The following HIPK2 variants were observed in gnomAD, a reference collection of about 807,000 sequenced individuals.
The protein encoded by HIPK2 is homeodomain-interacting protein kinase 2.
In HIPK2, 27 loss-of-function variants were observed where a neutral mutation model predicts 113.7. The observed-to-expected ratio is 0.24, with a 90% CI of 0.17 to 0.33. HIPK2 has a LOEUF of 0.33. Ranked by LOEUF, HIPK2 falls within the 10% of genes least tolerant of loss-of-function variation. The probability of loss-of-function intolerance (pLI) is 1.00; values close to 1 mark genes in which losing one functional copy is unlikely to be tolerated. For missense variants in HIPK2, 1,257 were observed against 1,588.0 expected, an observed-to-expected ratio of 0.79 and a Z score of 3.54; for synonymous variants, 631 against 642.2, an observed-to-expected ratio of 0.98 and a Z score of 0.26.
intron 2 of HIPK2, among the ~76,000 whole-genome samples, chr7:139,642,101 G>A (rs1585315897): frequency 6.6e-6 from 1 of 152,152 alleles, no homozygotes. Context: ...AGGTGTACTC[G>A]AACTGCAGAG....
At position 139,575,149 on chromosome 7, in the gene HIPK2, C is replaced by T. The variant is rs56300656; in HGVS notation, c.3105G>A (p.Gln1035=). 2,976 of 1,594,626 alleles carry T rather than the reference C, an allele frequency of 1.9e-3. 13 individuals carry two copies. The highest frequency in any genetic ancestry group is 1.4e-3 in the Non-Finnish European group (1,649 of 1,171,316). ...QQRPGPHFQQ[Q]QPLNLSQAQQ... The stretch of plus-strand genomic sequence containing the variant: ...TTACCTGGCTGAGATTGAGTGGCTG[C>T]TGCTGCTGGAAGTGGGGGCCCGGCC... Residue 1035 remains glutamine, a synonymous_variant, in exon 14 of 15, where the codon CAG becomes CAA. Transcript: ENST00000406875.
In HIPK2 at chr7:139,581,759, C is replaced by T. The variant is rs560002880; in HGVS notation, c.2965+2058G>A. ...GGGTTCTACAGCTAAAGGTGTGTAT[C>T]GGTATTGAACGCCACTGGCTGGGGA... On this transcript the variant is annotated intron_variant, in intron 13 of 14. Coordinates refer to ENST00000406875, the MANE Select transcript of HIPK2 (RefSeq NM_022740.5). Among the ~76,000 whole-genome samples the T allele has an allele frequency of 2.0e-5, 3 of 152,242 alleles. No homozygotes were observed. In the East Asian group the frequency reaches 5.8e-4, roughly 29 times the overall value.
chr7:139,755,518 G>C (rs1796347978), intron 1 of HIPK2, among the ~76,000 whole-genome samples: 1 of 152,214 alleles, frequency 6.6e-6, no homozygotes, highest in Non-Finnish European at 1.5e-5. Context: ...TCTCTGAAGA[G>C]AAACAAGGTC....
At chr7:139,672,815 CAT>C (rs940154556) in intron 2 of HIPK2, among the ~76,000 whole-genome samples, 68 of 152,336 alleles carry the variant, frequency 4.5e-4, no homozygotes, top group African/African-American at 1.5e-3. Flanking sequence ...GAACCAGAAT[CAT>C]AGTTTATTTA....
chr7:139,712,709 T>C (rs151093482), intron 2 of HIPK2, among the ~76,000 whole-genome samples: 430 of 152,352 alleles, frequency 2.8e-3, no homozygotes, highest in Non-Finnish European at 4.9e-3. Context: ...TTGCCCCCTT[T>C]CTTTCCTATA....
intron 2 of HIPK2, among the ~76,000 whole-genome samples, chr7:139,633,095 CAAAA>C (rs942820284): frequency 0.025 from 1,844 of 74,564 alleles, 32 homozygotes; most frequent in African/African-American, 0.078. Flanking sequence ...GACCCTGTCT[CAAAA>C]AAAAAAAAAA....
intron 12 of HIPK2, among the ~76,000 whole-genome samples, chr7:139,592,126 G>A (rs1266700266): frequency 1.3e-5 from 2 of 152,158 alleles, no homozygotes; most frequent in Admixed American, 6.5e-5. Context: ...AAAACATTTC[G>A]GGTCAAATTT....
intron 2 of HIPK2, among the ~76,000 whole-genome samples, chr7:139,673,376 C>T (rs952905181): frequency 3.3e-5 from 5 of 152,196 alleles, no homozygotes; most frequent in African/African-American, 9.7e-5. Flanking sequence ...CTCTCTCTCT[C>T]TTACAGGAGA....
At chr7:139,733,774 CA>C (rs1321848413) in intron 1 of HIPK2, among the ~76,000 whole-genome samples, 3 of 152,174 alleles carry the variant, frequency 2.0e-5, no homozygotes, top group Non-Finnish European at 4.4e-5. Flanking sequence ...TAGTCTTGGC[CA>C]AATGATCCAC....
chr7:139,566,891 C>T lies in HIPK2; in HGVS notation c.*6036G>A, dbSNP rs895938309. 1 of 152,286 alleles carries T rather than the reference C, an allele frequency of 6.6e-6. No homozygotes were observed. The highest frequency in any genetic ancestry group is 1.5e-5 in the Non-Finnish European group (1 of 68,086). The allele number at this position is 152,286 out of a possible 1,614,324, so 9.4% of individuals were successfully genotyped here. Reference sequence around the variant, plus strand: ...CAGCGGGGGGCATCGGGAAGACCCTCTCTGGTGCTGGTGTTCTGGGACGGG... The same window carrying T: ...CAGCGGGGGGCATCGGGAAGACCCTTTCTGGTGCTGGTGTTCTGGGACGGG... On this transcript the variant is annotated 3_prime_UTR_variant, in exon 15 of 15. Transcript: ENST00000406875. The surrounding 1 kb of genome is among the most constrained non-coding windows in gnomAD (Gnocchi z 4.1).
intron 2 of HIPK2, among the ~76,000 whole-genome samples, chr7:139,646,180 G>A (rs1341301184): frequency 6.6e-6 from 1 of 152,092 alleles, no homozygotes; most frequent in Admixed American, 6.6e-5. Flanking sequence ...AGAGGGACGC[G>A]ACCCACTGGG....
chr7:139,617,104 A>G (rs1445726956), intron 7 of HIPK2, among the ~76,000 whole-genome samples: 1 of 152,204 alleles, frequency 6.6e-6, no homozygotes, highest in Non-Finnish European at 1.5e-5. Flanking sequence ...GGGCAACAAA[A>G]AGTTTTCTAC....
At chr7:139,762,335 G>C (rs1418281673) in intron 1 of HIPK2, among the ~76,000 whole-genome samples, 1 of 152,216 alleles carries the variant, frequency 6.6e-6, no homozygotes. Context: ...GAAGAAACAA[G>C]AGCAAAGTCA....
chr7:139,582,261 GACCCT>G (rs1294441496), intron 13 of HIPK2, among the ~76,000 whole-genome samples: 1 of 152,250 alleles, frequency 6.6e-6, no homozygotes, highest in African/African-American at 2.4e-5. Context: ...CAGGTCACCA[GACCCT>G]AGCAGCAAGT....
intron 11 of HIPK2, among the ~76,000 whole-genome samples, chr7:139,599,254 A>G (rs562700848): frequency 6.6e-6 from 1 of 152,282 alleles, no homozygotes; most frequent in East Asian, 1.9e-4. Flanking sequence ...TTAAAAAGTC[A>G]GGTTTATTAA....
intron 1 of HIPK2, among the ~76,000 whole-genome samples, chr7:139,740,254 G>T (rs942434095): frequency 6.6e-6 from 1 of 152,158 alleles, no homozygotes; most frequent in Non-Finnish European, 1.5e-5. Flanking sequence ...AGGAGTCAGG[G>T]TTTGTTTGAT....
chr7:139,705,070 C>A (rs1338841335), intron 2 of HIPK2, among the ~76,000 whole-genome samples: 2 of 152,144 alleles, frequency 1.3e-5, no homozygotes, highest in Non-Finnish European at 2.9e-5. Flanking sequence ...CCTTTGGGAC[C>A]TAGTGAGTCT....
chr7:139,665,511 G>A (rs10243594), intron 2 of HIPK2, among the ~76,000 whole-genome samples: 58,816 of 151,906 alleles, frequency 0.39, 12,255 homozygotes, highest in East Asian at 0.55. Flanking sequence ...CTATGCATGC[G>A]CTGACCTGGC....
At chr7:139,672,859 T>C (rs1802353600) in intron 2 of HIPK2, among the ~76,000 whole-genome samples, 1 of 152,224 alleles carries the variant, frequency 6.6e-6, no homozygotes. Flanking sequence ...CATGACTACC[T>C]CATCTTTAAC....
Sources: gnomAD v4.1 joint callset for allele counts (sites outside exome capture counted in the v4.1 genomes callset) on GRCh38, gnomAD v4.1.1 for gene constraint, Gnocchi (gnomAD v3.1) non-coding constraint, MANE v1.5 for transcripts, NCBI Gene and HGNC (gene_info 2026-07-23, HGNC 2026-07-21) for gene names.